The following PCSK4 variants were observed in gnomAD, a reference collection of about 807,000 sequenced individuals.
PCSK4 encodes the protein proprotein convertase subtilisin/kexin type 4.
Under a neutral mutation model 80.3 loss-of-function variants are expected in PCSK4, and 64 were observed. That is an observed-to-expected ratio of 0.80 (90% CI 0.65 to 0.98). PCSK4 has a LOEUF of 0.98. Ranked by LOEUF, PCSK4 falls within the 50% of genes least tolerant of loss-of-function variation. The pLI is 0.00. For missense variants in PCSK4, 1,213 were observed against 1,093.6 expected, an observed-to-expected ratio of 1.11 and a Z score of -1.54; for synonymous variants, 561 against 487.6, an observed-to-expected ratio of 1.15 and a Z score of -1.98.
Position 1,483,197 on chromosome 19 carries a change from G to A in PCSK4, c.1571+87C>T. The stretch of plus-strand genomic sequence containing the variant: ...CTGCCGTGTGACTCCTATGGGCCTG[G>A]CCCCTCCCCGTGAGGACACTCCGGG... On this transcript the variant is annotated intron_variant, in intron 12 of 14. Coordinates refer to ENST00000300954, the Ensembl canonical transcript of PCSK4. 5.9e-6 allele frequency: 8 copies of A among 1,359,144 alleles called. No homozygotes were observed. In the South Asian group the frequency reaches 1.0e-4, roughly 17 times the overall value. The allele number at this position is 1,359,144 out of a possible 1,614,324, so 84.2% of individuals were successfully genotyped here.
At chr19:1,490,514 G>A (rs2084895624), upstream of PCSK4, 1 of 516,612 alleles carries the variant, frequency 1.9e-6, no homozygotes, top group Non-Finnish European at 3.4e-6. Context: ...TCTAACAGAA[G>A]CGGGAGAGGG....
Position 1,484,138 on chromosome 19 carries a change from A to AG in PCSK4, c.1069-12dup. 1 of 1,510,696 alleles carries AG rather than the reference A, an allele frequency of 6.6e-7. No individual in the cohort carries two copies. Among genetic ancestry groups the AG allele is most frequent in the Non-Finnish European group, 9.0e-7 (1 of 1,114,490 alleles). 93.6% of individuals were successfully genotyped at this position (1,510,696 alleles called of 1,614,324 possible). A position where few individuals can be genotyped will look rare whatever the true frequency, so the allele number is the denominator to read the frequency against. The stretch of plus-strand genomic sequence containing the variant: ...CAGGTCCGTGGTGACCTGAGGGCAG[A>AG]GGGGGGTGGGACTCGGGGGGCCGTG... On this transcript the variant is annotated splice_polypyrimidine_tract_variant and intron_variant, in intron 8 of 14. Transcript: ENST00000300954.
chr19:1,482,415 G>A lies in PCSK4; in HGVS notation c.1757C>T (p.Pro586Leu), dbSNP rs113642524. 3.3e-4 allele frequency: 537 copies of A among 1,606,900 alleles called. 4 individuals carry two copies. The highest frequency in any genetic ancestry group is 2.4e-3 in the African/African-American group (179 of 75,016). The change falls in exon 14 of 15, where the codon CCT (proline) becomes CTT (leucine). Residue 586 changes from proline to leucine, a missense_variant. Pro to Leu is a moderately conservative substitution (Grantham distance 98, BLOSUM62 -3). Transcript: ENST00000300954. Reference sequence around the variant, plus strand: ...GCTGCTGGTCACCTGGGGGCCTGTAGGCCGCGCTGTCATGTCCTCGGCCGT... The same window carrying A: ...GCTGCTGGTCACCTGGGGGCCTGTAAGCCGCGCTGTCATGTCCTCGGCCGT...
chr19:1,482,792 C>T (rs926774036), intron 13 of PCSK4, 104 bp downstream of exon 13: 5 of 1,282,084 alleles, frequency 3.9e-6, no homozygotes, highest in Non-Finnish European at 5.5e-6. Flanking sequence ...GAGAAGGCCA[C>T]TGGGAACCCC....
At chr19:1,487,168 G>C in exon 7 of PCSK4, 2 of 1,606,818 alleles carry the variant, frequency 1.2e-6, no homozygotes, top group Non-Finnish European at 1.7e-6. Context: ...GGAAGGCCTC[G>C]CGGGTGAGGA....
chr19:1,484,536 G>A (rs2084503470), intron 8 of PCSK4, among the ~76,000 whole-genome samples: 1 of 151,134 alleles, frequency 6.6e-6, no homozygotes, highest in Non-Finnish European at 1.5e-5. Context: ...AAGTACCAAG[G>A]GCTGGGTGCG....
chr19:1,484,072 G>C lies in PCSK4; in HGVS notation c.1124C>G (p.Ser375Ter), dbSNP rs1158708762. ...GATCATGCCGGCCGCCAGTGGGGCT[G>C]AGGCCGAGGTGCCCGTGTGCTGGTC... The change falls in exon 9 of 15, where the codon TCA (serine) becomes TGA (stop). Residue 375 changes from serine (S) to a stop codon, truncating the protein, a stop_gained. Transcript: ENST00000300954. LOFTEE classifies it high-confidence loss of function. The C allele has an allele frequency of 4.5e-6, 7 of 1,565,548 alleles. No homozygotes were observed.
At chr19:1,484,827 A>G (rs2084521335) in intron 8 of PCSK4, among the ~76,000 whole-genome samples, 1 of 152,052 alleles carries the variant, frequency 6.6e-6, no homozygotes, top group Non-Finnish European at 1.5e-5. Context: ...AAATAAAAAA[A>G]TAGTACCAAG....
chr19:1,485,847 G>C (rs950080257), intron 8 of PCSK4, among the ~76,000 whole-genome samples: 1 of 152,130 alleles, frequency 6.6e-6, no homozygotes, highest in Admixed American at 6.5e-5. Flanking sequence ...CTCCAGCCTG[G>C]ACGACAGAGC....
At chr19:1,483,792 C>T (rs1474490261) in intron 10 of PCSK4, 25 bp from the exon 11 acceptor site, 4 of 1,540,276 alleles carry the variant, frequency 2.6e-6, no homozygotes, top group African/African-American at 2.8e-5. Context: ...AGCAGTCACT[C>T]GCCCCGTGGG....
At chr19:1,490,297 G>A in exon 1 of PCSK4, 1 of 1,564,818 alleles carries the variant, frequency 6.4e-7, no homozygotes, top group Non-Finnish European at 8.7e-7. Context: ...GCGGACAAGG[G>A]CCAGGGCCAA....
intron 2 of PCSK4, 146 bp downstream of exon 2, chr19:1,489,647 C>A: frequency 7.3e-7 from 1 of 1,378,890 alleles, no homozygotes; most frequent in Non-Finnish European, 9.6e-7. Flanking sequence ...CCTCCTCTTG[C>A]TGTATAGACT....
chr19:1,489,278 C>A (rs1260531890), intron 2 of PCSK4, among the ~76,000 whole-genome samples: 4 of 152,092 alleles, frequency 2.6e-5, no homozygotes, highest in African/African-American at 9.7e-5. Context: ...ACTACAGGCG[C>A]CTGCCACCAT....
chr19:1,490,372 C>G, exon 1 of PCSK4: 1 of 919,172 alleles, frequency 1.1e-6, no homozygotes, highest in South Asian at 1.8e-5. Flanking sequence ...GCGGGGCCTG[C>G]GCAAATCCCC....
chr19:1,487,382 G>A lies in PCSK4; in HGVS notation c.683-69C>T, dbSNP rs932643413. The A allele has an allele frequency of 4.5e-5, 57 of 1,263,318 alleles. No individual in the cohort carries two copies. In the African/African-American group the frequency reaches 5.7e-4, roughly 13 times the overall value. The allele number at this position is 1,263,318 out of a possible 1,614,324, so 78.3% of individuals were successfully genotyped here. A position where few individuals can be genotyped will look rare whatever the true frequency, so the allele number is the denominator to read the frequency against. On this transcript the variant is annotated intron_variant, in intron 6 of 14. Coordinates refer to ENST00000300954, the Ensembl canonical transcript of PCSK4. ...TTCCCCACACCCCAGCCCGCCCCGC[G>A]CCACTCCACACCACTCCCCAGCCCT... is the stretch of plus-strand genomic sequence containing the variant.
At chr19:1,490,870 C>A (rs562802727), upstream of PCSK4, 19 of 189,478 alleles carry the variant, frequency 1.0e-4, 1 homozygote, top group African/African-American at 2.2e-4. Context: ...TCGGATGTTT[C>A]TTTAGCCCCT....
chr19:1,483,103 C>T (rs1241969142), intron 12 of PCSK4, 83 bp from the exon 13 acceptor site: 14 of 1,353,712 alleles, frequency 1.0e-5, no homozygotes, highest in African/African-American at 1.5e-5. Context: ...AGTGTCTGAC[C>T]GCACGCGCTG....
chr19:1,489,795 T>C (rs989057179), exon 2 of PCSK4: 1 of 1,609,862 alleles, frequency 6.2e-7, no homozygotes. Context: ...AGGCTCACCT[T>C]GGGGTTTTTC....
At chr19:1,487,531 GC>G in intron 6 of PCSK4, 71 bp downstream of exon 6, 1 of 1,353,748 alleles carries the variant, frequency 7.4e-7, no homozygotes. Flanking sequence ...GAGTCCTTGG[GC>G]CCAGCTCCCC....
Sources: allele counts gnomAD v4.1 joint callset (sites outside exome capture counted in the v4.1 genomes callset), GRCh38; gene constraint gnomAD v4.1.1; transcripts MANE v1.5; gene names NCBI Gene and HGNC (gene_info 2026-07-23, HGNC 2026-07-21).